ALG14: variants seen among roughly 807,000 people sequenced by gnomAD.
The protein encoded by ALG14 is ALG14 UDP-N-acetylglucosaminyltransferase subunit.
Under a neutral mutation model 22.8 loss-of-function variants are expected in ALG14, and 17 were observed. That is an observed-to-expected ratio of 0.75 (90% confidence interval 0.51 to 1.12). The LOEUF is 1.12. ALG14 is among the 50% of genes most tolerant of loss of function. ALG14 has a pLI of 0.00. For missense variants in ALG14, 288 were observed against 271.8 expected (o/e 1.06, Z -0.42); for synonymous variants, 89 against 103.7 (o/e 0.86, Z 0.86).
chr1:95,055,871 G>A (rs1049681281), intron 2 of ALG14, among the ~76,000 whole-genome samples: 15 of 147,588 alleles, frequency 1.0e-4, no homozygotes, highest in African/African-American at 2.5e-4. Context: ...TTAGCCAGGC[G>A]TGGTGGCGGG....
Position 95,072,888 on chromosome 1 carries a change from A to T in ALG14, c.11T>A (p.Val4Asp), listed in dbSNP as rs1300646662. The T allele has an allele frequency of 6.2e-7, 1 of 1,613,948 alleles. No homozygotes were observed. The highest frequency in any genetic ancestry group is 1.7e-5 in the Admixed American group (1 of 60,012). ...TCCTGCGGCCGCAGCTAGAACGAGA[A>T]CGCACACCATGCAGAGAAACGGCGC... MVC[V>D]LVLAAAAGAV... The change falls in exon 1 of 4, where the codon GTT becomes GAT. Residue 4 changes from valine to aspartate, a missense_variant. By Grantham distance (152) the Val-to-Asp change is radical. Coordinates refer to ENST00000370205, the MANE Select transcript of ALG14 (RefSeq NM_144988.4).
chr1:95,052,837 C>T (rs1040017449), intron 2 of ALG14, among the ~76,000 whole-genome samples: 1 of 143,412 alleles, frequency 7.0e-6, no homozygotes, highest in East Asian at 2.1e-4. Flanking sequence ...TGCTTGGGCA[C>T]CAGAGCAAGA....
chr1:94,990,351 T>C (rs913506101), intron 3 of ALG14, among the ~76,000 whole-genome samples: 1 of 152,210 alleles, frequency 6.6e-6, no homozygotes, highest in Non-Finnish European at 1.5e-5. Flanking sequence ...TGATGGTACA[T>C]TGTATTTCTT....
At chr1:94,996,871 A>AG (rs1041042566) in intron 3 of ALG14, among the ~76,000 whole-genome samples, 2 of 151,954 alleles carry the variant, frequency 1.3e-5, no homozygotes, top group African/African-American at 2.4e-5. Context: ...TAGTAGAGAC[A>AG]GGGTTTCACC....
rs569504895 is a variant in ALG14 at position 95,031,781 on chromosome 1, T to A, written c.289-4521A>T. On this transcript the variant is annotated intron_variant, in intron 2 of 3. Coordinates refer to ENST00000370205, the MANE Select transcript of ALG14 (RefSeq NM_144988.4). The stretch of plus-strand genomic sequence containing the variant: ...TATTTATTTATGTATTGCTGTCTCC[T>A]CCATTAGAACATAACTTACACAAGG... Among the ~76,000 whole-genome samples the A allele has an allele frequency of 2.0e-5, 3 of 152,290 alleles. No individual in the cohort carries two copies. The East Asian group carries it at 5.8e-4, about 29-fold the overall frequency.
At position 94,984,862 on chromosome 1, in the gene ALG14, G is replaced by C. The variant is rs577714161; in HGVS notation, c.421-1556C>G. 1.9e-4 allele frequency among the ~76,000 whole-genome samples: 29 copies of C among 152,312 alleles called. No individual in the cohort carries two copies. In the South Asian group the frequency reaches 4.8e-3, roughly 25 times the overall value. On this transcript the variant is annotated intron_variant, in intron 3 of 3. Coordinates refer to ENST00000370205, the MANE Select transcript of ALG14 (RefSeq NM_144988.4). ...TTTATTCACAACGCACTATGGCCAA[G>C]TACTGCACTAAACATTTTACGTGTA...
chr1:94,991,138 T>C (rs578065230), intron 3 of ALG14, among the ~76,000 whole-genome samples: 16 of 152,380 alleles, frequency 1.1e-4, no homozygotes, highest in African/African-American at 3.6e-4. Flanking sequence ...AAATATTTTA[T>C]TGAGCAAAGA....
chr1:95,027,008 G>T, intron 3 of ALG14, 121 bp downstream of exon 3: 6 of 1,263,464 alleles, frequency 4.7e-6, no homozygotes, highest in Admixed American at 2.4e-5. Flanking sequence ...CCAGTTCAGG[G>T]TCTTGCATAC....
At chr1:95,015,474 G>C (rs1395396401) in intron 3 of ALG14, among the ~76,000 whole-genome samples, 1 of 152,208 alleles carries the variant, frequency 6.6e-6, no homozygotes, top group African/African-American at 2.4e-5. Context: ...CTAAGTTCAA[G>C]AGGAGTTCAC....
intron 3 of ALG14, among the ~76,000 whole-genome samples, chr1:95,020,216 C>CA (rs1232229033): frequency 1.5e-3 from 205 of 140,910 alleles, no homozygotes; most frequent in African/African-American, 4.4e-3. Flanking sequence ...GACTGAGTCT[C>CA]AAAAAAAAAA....
At chr1:95,067,007 T>C (rs1322845354) in intron 1 of ALG14, 4 of 152,238 alleles carry the variant, frequency 2.6e-5, no homozygotes, top group African/African-American at 9.6e-5. Context: ...TTTTATTTCC[T>C]TTTTTAAACT....
chr1:95,061,812 T>TC (rs936353624), intron 2 of ALG14: 42 of 152,262 alleles, frequency 2.8e-4, no homozygotes, highest in African/African-American at 9.9e-4. Flanking sequence ...CCCAGAAAGC[T>TC]CAGAGAAAGA....
rs981104820 is a variant in ALG14, at chr1:94,981,168, T to C, written c.*1908A>G. On this transcript the variant is annotated 3_prime_UTR_variant, in exon 4 of 4. Transcript: ENST00000370205. ...TGTTGTCCCTGAAAAAATCACTTTC[T>C]TTCTAGAACAGTCAAGGCTTATTTC... 2 of 152,224 alleles carry C rather than the reference T, an allele frequency of 1.3e-5. No individual in the cohort carries two copies. The highest frequency in any genetic ancestry group is 2.9e-5 in the Non-Finnish European group (2 of 68,048). 9.4% of individuals were successfully genotyped at this position (152,224 alleles called of 1,614,324 possible).
At chr1:95,020,656 T>G (rs1300814930) in intron 3 of ALG14, among the ~76,000 whole-genome samples, 1 of 150,722 alleles carries the variant, frequency 6.6e-6, no homozygotes, top group Non-Finnish European at 1.5e-5. Context: ...GAGAATTGCT[T>G]GAACCCAGGA....
intron 3 of ALG14, among the ~76,000 whole-genome samples, chr1:94,988,586 G>C (rs1233708736): frequency 3.3e-5 from 5 of 152,096 alleles, no homozygotes; most frequent in African/African-American, 1.2e-4. Flanking sequence ...GCTGGGGAAA[G>C]GGTTTACAGA....
chr1:95,017,339 C>T (rs1557954909), intron 3 of ALG14, among the ~76,000 whole-genome samples: 1 of 151,828 alleles, frequency 6.6e-6, no homozygotes, highest in Non-Finnish European at 1.5e-5. Flanking sequence ...AGCCTTAAAA[C>T]AAAGAGTCAC....
chr1:95,050,951 C>T (rs1042900330), intron 2 of ALG14, among the ~76,000 whole-genome samples: 2 of 151,016 alleles, frequency 1.3e-5, no homozygotes, highest in Admixed American at 6.6e-5. Flanking sequence ...CTGCAACCTC[C>T]GCCTCCTGGG....
chr1:95,064,991 GCC>G lies in ALG14; in HGVS notation c.161_162del (p.Arg54ThrfsTer12). On this transcript the variant is annotated frameshift_variant, in exon 2 of 4. Coordinates refer to ENST00000370205, the MANE Select transcript of ALG14 (RefSeq NM_144988.4). LOFTEE classifies it high-confidence loss of function. ...TAGGCATTGGACAAGCTCCCAAGCA[GCC>G]TCAGGATCTCAGTGGTATGCCCACC... ...GSGGHTTEIL[R>X]LLGSLSNAYS... 6.2e-7 allele frequency: 1 copy of G among 1,613,414 alleles called. No homozygotes were observed.
chr1:94,993,294 T>C (rs990817376), intron 3 of ALG14, among the ~76,000 whole-genome samples: 1 of 146,336 alleles, frequency 6.8e-6, no homozygotes, highest in African/African-American at 2.5e-5. Context: ...TATATTTATA[T>C]ATATCAGGCT....
Sources: gnomAD v4.1 joint callset for allele counts (sites outside exome capture counted in the v4.1 genomes callset) on GRCh38, gnomAD v4.1.1 for gene constraint, MANE v1.5 for transcripts, NCBI Gene and HGNC (gene_info 2026-07-23, HGNC 2026-07-21) for gene names.